The following SYT1 variants were observed in gnomAD, a reference collection of about 807,000 sequenced individuals.
SYT1 encodes the protein synaptotagmin 1, also known as synaptotagmin-1.
In SYT1, 8 loss-of-function variants were observed where a neutral mutation model predicts 44.8. The observed-to-expected ratio is 0.18, with a 90% CI of 0.10 to 0.32. The LOEUF (loss-of-function observed/expected upper bound fraction) is 0.32. Ranked by LOEUF, SYT1 falls within the 10% of genes least tolerant of loss-of-function variation. SYT1 has a pLI of 1.00. For synonymous variants in SYT1, 154 were observed against 188.8 expected (o/e 0.82, Z 1.51); for missense variants, 286 against 509.3 (o/e 0.56, Z 4.22).
intron 9 of SYT1, among the ~76,000 whole-genome samples, chr12:79,371,491 A>G (rs1883788217): frequency 6.6e-6 from 1 of 152,236 alleles, no homozygotes; most frequent in African/African-American, 2.4e-5. Context: ...CATAAACAGC[A>G]AATGCCCTAA....
intron 1 of SYT1, among the ~76,000 whole-genome samples, chr12:78,924,157 T>C (rs1406329933): frequency 6.6e-6 from 1 of 151,938 alleles, no homozygotes; most frequent in African/African-American, 2.4e-5. Context: ...TGATGATGTG[T>C]CTTTTGCAAT....
intron 3 of SYT1, among the ~76,000 whole-genome samples, chr12:79,160,615 T>C (rs913350631): frequency 6.6e-6 from 1 of 152,066 alleles, no homozygotes; most frequent in Non-Finnish European, 1.5e-5. Flanking sequence ...AGCAGTTTAG[T>C]TGGAGAAGAG....
In SYT1 at chr12:79,114,736, G is replaced by A. The variant is rs1879187858; in HGVS notation, c.-18+67374G>A. ...CTTCTGGCCAGGCCTATATTGATGT[G>A]TTTACTTCTTGTCAAAATATTCATT... On this transcript the variant is annotated intron_variant, in intron 3 of 10. Coordinates refer to ENST00000261205, the MANE Select transcript of SYT1 (RefSeq NM_005639.3). Among the ~76,000 whole-genome samples the A allele has an allele frequency of 1.3e-5, 2 of 152,090 alleles. 1 individual carries two copies. Among genetic ancestry groups the A allele is most frequent in the South Asian group, 4.1e-4 (2 of 4,824 alleles).
intron 2 of SYT1, among the ~76,000 whole-genome samples, chr12:79,009,017 A>C (rs1871259136): frequency 6.6e-6 from 1 of 152,188 alleles, no homozygotes; most frequent in Non-Finnish European, 1.5e-5. Flanking sequence ...TTCCAAGATT[A>C]CTTGGAACAT....
intron 3 of SYT1, among the ~76,000 whole-genome samples, chr12:79,087,859 T>C (rs995850627): frequency 2.0e-5 from 3 of 152,130 alleles, no homozygotes; most frequent in African/African-American, 7.2e-5. Flanking sequence ...ATTTAACACT[T>C]TCCTGCTTTC....
At chr12:79,059,314 G>A (rs1413676906) in intron 3 of SYT1, among the ~76,000 whole-genome samples, 1 of 152,016 alleles carries the variant, frequency 6.6e-6, no homozygotes, top group Non-Finnish European at 1.5e-5. Flanking sequence ...ATATCAAGAT[G>A]TAATAAGCTA....
intron 3 of SYT1, among the ~76,000 whole-genome samples, chr12:79,098,768 G>C (rs548206349): frequency 5.9e-5 from 9 of 152,094 alleles, no homozygotes; most frequent in Non-Finnish European, 8.8e-5. Flanking sequence ...GACCTTTGAG[G>C]AACTGAATCT....
At chr12:79,363,734 CAAA>C (rs5799428) in intron 9 of SYT1, among the ~76,000 whole-genome samples, 2 of 137,464 alleles carry the variant, frequency 1.5e-5, no homozygotes, top group Non-Finnish European at 1.6e-5. Flanking sequence ...GTCCCTGTCT[CAAA>C]AAAAAAAAAA....
intron 8 of SYT1, among the ~76,000 whole-genome samples, chr12:79,322,809 A>C (rs1224330609): frequency 6.6e-6 from 1 of 152,206 alleles, no homozygotes; most frequent in African/African-American, 2.4e-5. Context: ...GACTTTCTGA[A>C]GACACTAAAA....
intron 2 of SYT1, among the ~76,000 whole-genome samples, chr12:79,016,314 G>A (rs191155677): frequency 2.6e-5 from 4 of 152,226 alleles, no homozygotes; most frequent in African/African-American, 9.6e-5. Flanking sequence ...GATATCATAC[G>A]TGTTTCTAGA....
At chr12:79,214,072 CT>C (rs2138547700) in intron 3 of SYT1, among the ~76,000 whole-genome samples, 1 of 152,206 alleles carries the variant, frequency 6.6e-6, no homozygotes, top group East Asian at 1.9e-4. Context: ...CTTAGGTTTG[CT>C]ATTTACAAAC....
At chr12:79,342,788 G>A (rs1057070680) in intron 8 of SYT1, among the ~76,000 whole-genome samples, 17 of 152,284 alleles carry the variant, frequency 1.1e-4, no homozygotes, top group Admixed American at 6.5e-4. Flanking sequence ...TGTTGAAATC[G>A]AGTGAACCAG....
At chr12:79,036,784 A>T (rs1353486510) in intron 2 of SYT1, among the ~76,000 whole-genome samples, 2 of 151,630 alleles carry the variant, frequency 1.3e-5, no homozygotes, top group Non-Finnish European at 2.9e-5. Context: ...ATTTCTCTTT[A>T]TATAATTCAT....
intron 9 of SYT1, among the ~76,000 whole-genome samples, chr12:79,354,201 C>T (rs1017350652): frequency 1.3e-5 from 2 of 152,124 alleles, no homozygotes; most frequent in African/African-American, 2.4e-5. Context: ...CTTAGTAAAA[C>T]GTGGTGGATA....
intron 1 of SYT1, among the ~76,000 whole-genome samples, chr12:78,923,781 T>G (rs1408554333): frequency 6.6e-6 from 1 of 151,622 alleles, no homozygotes; most frequent in Non-Finnish European, 1.5e-5. Flanking sequence ...AGTTGCTGGC[T>G]TACTCCTTTT....
intron 2 of SYT1, among the ~76,000 whole-genome samples, chr12:79,034,682 C>T (rs1016141997): frequency 2.6e-5 from 4 of 151,650 alleles, no homozygotes; most frequent in Non-Finnish European, 5.9e-5. Flanking sequence ...AACTATGCTG[C>T]TTCTCCATAA....
At chr12:79,391,175 T>A (rs1884642516) in intron 9 of SYT1, among the ~76,000 whole-genome samples, 1 of 152,222 alleles carries the variant, frequency 6.6e-6, no homozygotes, top group Non-Finnish European at 1.5e-5. Context: ...ATTGGCAGAA[T>A]GCATTAGAAG....
intron 3 of SYT1, among the ~76,000 whole-genome samples, chr12:79,213,694 G>T (rs933091489): frequency 6.6e-6 from 1 of 152,210 alleles, no homozygotes. Context: ...GGAGGCCGAA[G>T]CGGGCGGATC....
chr12:79,134,346 G>A (rs1869046246), intron 3 of SYT1, among the ~76,000 whole-genome samples: 1 of 152,140 alleles, frequency 6.6e-6, no homozygotes, highest in Non-Finnish European at 1.5e-5. Flanking sequence ...GAGATGTATA[G>A]CATCATCAAA....
Sources: gnomAD v4.1 joint callset for allele counts (sites outside exome capture counted in the v4.1 genomes callset) on GRCh38, gnomAD v4.1.1 for gene constraint, MANE v1.5 for transcripts, NCBI Gene and HGNC (gene_info 2026-07-23, HGNC 2026-07-21) for gene names.